The following RPA2 variants were observed in gnomAD, a reference collection of about 807,000 sequenced individuals.
The protein encoded by RPA2 is replication protein A2, also known as replication protein A 32 kDa subunit.
A neutral mutation model predicts 33.4 loss-of-function variants in RPA2; 22 were observed. The observed-to-expected ratio is 0.66, with a 90% CI of 0.47 to 0.94. The LOEUF (loss-of-function observed/expected upper bound fraction) is 0.94. Ranked by LOEUF, RPA2 falls within the 40% of genes least tolerant of loss-of-function variation. The probability of loss-of-function intolerance (pLI) is 0.00; values close to 1 mark genes in which losing one functional copy is unlikely to be tolerated. For missense variants in RPA2, 279 were observed against 329.9 expected, an observed-to-expected ratio of 0.85 and a Z score of 1.19; for synonymous variants, 109 against 114.9, an observed-to-expected ratio of 0.95 and a Z score of 0.33.
chr1:27,894,088 C>A lies in RPA2; in HGVS notation c.652G>T (p.Ala218Ser), dbSNP rs751138848. 1.1e-5 allele frequency: 18 copies of A among 1,613,924 alleles called. No homozygotes were observed. In the South Asian group the frequency reaches 1.8e-4, roughly 16 times the overall value. ...AQNQVLNLIK[A>S]CPRPEGLNFQ... is the part of the protein sequence containing the mutation. Reference sequence around the variant, plus strand: ...TTCAACCCTTCAGGTCTTGGACAAGCCTTAATCAAATTCAACACCTGAAGA... The same window carrying A: ...TTCAACCCTTCAGGTCTTGGACAAGACTTAATCAAATTCAACACCTGAAGA... The change falls in exon 8 of 9, where the codon GCT becomes TCT. Residue 218 changes from alanine to serine, a missense_variant. Physicochemically the swap from Ala to Ser is moderately conservative, Grantham distance 99. This residue lies in a region of RPA2 where 274 missense variants were observed against 310.3 expected (regional missense o/e 0.88). Transcript: ENST00000373912.
chr1:27,895,424 A>G (rs2089878226), intron 6 of RPA2, among the ~76,000 whole-genome samples: 1 of 151,494 alleles, frequency 6.6e-6, no homozygotes, highest in Non-Finnish European at 1.5e-5. Context: ...ACTGTCTCGA[A>G]AAAAAGGGCC....
At chr1:27,901,513 C>G (rs2089967404) in intron 4 of RPA2, among the ~76,000 whole-genome samples, 1 of 152,014 alleles carries the variant, frequency 6.6e-6, no homozygotes, top group African/African-American at 2.4e-5. Context: ...CAGGTGCCCA[C>G]AACCACACCT....
In RPA2 at chr1:27,914,525, T is replaced by A; in HGVS notation, c.-82A>T. ...GAAAACCACAGAACGCGGCCGCCAC[T>A]GCGCCGCTCTGGCTACTTTTCTCTG... On this transcript the variant is annotated 5_prime_UTR_variant, in exon 1 of 9. Coordinates refer to ENST00000373912, the MANE Select transcript of RPA2 (RefSeq NM_002946.5). The A allele has an allele frequency of 6.2e-7, 1 of 1,604,686 alleles. No individual in the cohort carries two copies. Among genetic ancestry groups the A allele is most frequent in the East Asian group, 2.2e-5 (1 of 44,836 alleles).
Position 27,894,246 on chromosome 1 carries a change from C to A in RPA2, c.633+44G>T, listed in dbSNP as rs776579983. On this transcript the variant is annotated intron_variant, in intron 7 of 8. Transcript: ENST00000373912. ...ATTAAGGAAGTAACAAAATTTAAGA[C>A]TATCTGTGTTTTGTATTTCTGAAGC... 5 of 1,572,104 alleles carry A rather than the reference C, an allele frequency of 3.2e-6. No homozygotes were observed. The South Asian group carries it at 5.6e-5, about 18-fold the overall frequency.
At chr1:27,913,431 A>T (rs2090125418) in intron 2 of RPA2, among the ~76,000 whole-genome samples, 3 of 151,266 alleles carry the variant, frequency 2.0e-5, no homozygotes, top group Admixed American at 2.0e-4. Context: ...TCTACTAAAA[A>T]CACAAAATTA....
At position 27,914,063 on chromosome 1, in the gene RPA2, T is replaced by G; in HGVS notation, c.117A>C (p.Ser39=). The part of the protein sequence containing the change: ...SPAPSQAEKK[S]RARAQHIVPC... ...AAACTAAATACTCCTTTCAACCTAC[T>G]GATTTCTTTTCGGCTTGAGAAGGTG... is the stretch of plus-strand genomic sequence containing the variant. The change falls in exon 2 of 9, where the codon TCA becomes TCC. Residue 39 remains serine (S), a splice_region_variant and synonymous_variant. Transcript: ENST00000373912. 1 of 1,589,688 alleles carries G rather than the reference T, an allele frequency of 6.3e-7. No individual in the cohort carries two copies. Among genetic ancestry groups the G allele is most frequent in the Non-Finnish European group, 8.6e-7 (1 of 1,168,416 alleles).
intron 2 of RPA2, among the ~76,000 whole-genome samples, chr1:27,913,663 C>A (rs1277751174): frequency 6.6e-6 from 1 of 151,442 alleles, no homozygotes; most frequent in African/African-American, 2.4e-5. Context: ...ACACCTGTTA[C>A]CCCAGCACTT....
intron 4 of RPA2, among the ~76,000 whole-genome samples, chr1:27,898,523 A>G (rs1264548380): frequency 6.6e-6 from 1 of 151,078 alleles, no homozygotes; most frequent in Non-Finnish European, 1.5e-5. Flanking sequence ...CACATTATTT[A>G]TAAGAAAAAT....
intron 2 of RPA2, among the ~76,000 whole-genome samples, chr1:27,910,067 T>G (rs1392626391): frequency 2.0e-5 from 3 of 152,194 alleles, no homozygotes; most frequent in Non-Finnish European, 4.4e-5. Flanking sequence ...ATTTCTGTTT[T>G]TACCTATCAC....
intron 4 of RPA2, among the ~76,000 whole-genome samples, chr1:27,904,703 G>A (rs1447990660): frequency 1.3e-5 from 2 of 151,762 alleles, no homozygotes; most frequent in Admixed American, 6.6e-5. Flanking sequence ...AGAGCAGTGC[G>A]CAATCTGCTG....
At chr1:27,901,146 C>T (rs992985181) in intron 4 of RPA2, among the ~76,000 whole-genome samples, 10 of 152,046 alleles carry the variant, frequency 6.6e-5, no homozygotes, top group Non-Finnish European at 1.3e-4. Flanking sequence ...GATATAATAT[C>T]GAGAAATTTT....
At chr1:27,900,458 ATTTT>A (rs59692684) in intron 4 of RPA2, among the ~76,000 whole-genome samples, 130 of 140,536 alleles carry the variant, frequency 9.3e-4, no homozygotes, top group African/African-American at 3.2e-3. Flanking sequence ...GCTGCTTAAG[ATTTT>A]TTTTTTTTTT....
intron 6 of RPA2, 126 bp downstream of exon 6, chr1:27,896,879 C>T: frequency 1.6e-6 from 1 of 634,100 alleles, no homozygotes; most frequent in Non-Finnish European, 2.8e-6. Flanking sequence ...AGAAAGTGTT[C>T]TGAGGACTTA....
chr1:27,901,885 C>T (rs1297996757), intron 4 of RPA2, among the ~76,000 whole-genome samples: 3 of 151,980 alleles, frequency 2.0e-5, no homozygotes, highest in African/African-American at 7.3e-5. Context: ...CAGGTGTGAG[C>T]CACTGTGCCT....
At chr1:27,913,199 C>T (rs187057100) in intron 2 of RPA2, among the ~76,000 whole-genome samples, 2 of 151,896 alleles carry the variant, frequency 1.3e-5, no homozygotes, top group African/African-American at 4.8e-5. Flanking sequence ...GTGATCCACC[C>T]GCCTCAGCCT....
At position 27,895,129 on chromosome 1, in the gene RPA2, T is replaced by C. The variant is rs2089873366; in HGVS notation, c.526-732A>G. On this transcript the variant is annotated intron_variant, in intron 6 of 8. Transcript: ENST00000373912. ...ACCTTCTCAGTATCCCTCATTAGCC[T>C]CTTCTATCTGTCTCCCAAAAAGCTG... 2.0e-5 allele frequency among the ~76,000 whole-genome samples: 3 copies of C among 152,134 alleles called. No homozygotes were observed. In the South Asian group the frequency reaches 6.2e-4, roughly 32 times the overall value.
chr1:27,907,410 G>T, intron 2 of RPA2, 128 bp from the exon 3 acceptor site: 1 of 785,174 alleles, frequency 1.3e-6, no homozygotes, highest in Non-Finnish European at 2.0e-6. Flanking sequence ...CATTATCCTT[G>T]CTTCAGAGAG....
chr1:27,898,544 A>ATT (rs5773203), intron 4 of RPA2, among the ~76,000 whole-genome samples: 6 of 137,636 alleles, frequency 4.4e-5, no homozygotes, highest in South Asian at 2.3e-4. Flanking sequence ...ACATTAGCTG[A>ATT]TTTTTTTTTT....
At chr1:27,913,919 A>T in intron 2 of RPA2, 144 bp downstream of exon 2, 2 of 803,920 alleles carry the variant, frequency 2.5e-6, no homozygotes, top group Non-Finnish European at 1.8e-6. Context: ...TACAGCACTT[A>T]ATTATAAGAG....
Sources: allele counts gnomAD v4.1 joint callset (sites outside exome capture counted in the v4.1 genomes callset), GRCh38; gene constraint gnomAD v4.1.1; regional missense constraint gnomAD v4.1.1; transcripts MANE v1.5; gene names NCBI Gene and HGNC (gene_info 2026-07-23, HGNC 2026-07-21).